Variants in CAPN14 observed in about 807,000 individuals in gnomAD.
CAPN14 encodes calpain-14.
A neutral mutation model predicts 101.3 loss-of-function variants in CAPN14; 94 were observed. The observed-to-expected ratio is 0.93, with a 90% CI of 0.79 to 1.10. The LOEUF (loss-of-function observed/expected upper bound fraction) is 1.10. CAPN14 is among the 50% of genes least tolerant of loss of function. The pLI, the probability that CAPN14 is intolerant of heterozygous loss-of-function variation, is 0.00. For missense variants in CAPN14, 837 were observed against 828.4 expected (o/e 1.01, Z -0.13); for synonymous variants, 338 against 317.9 (o/e 1.06, Z -0.67).
At chr2:31,229,926 A>T (rs1288078160) in intron 1 of CAPN14, among the ~76,000 whole-genome samples, 6 of 152,218 alleles carry the variant, frequency 3.9e-5, no homozygotes, top group African/African-American at 9.6e-5. Context: ...AAATTGTATG[A>T]TTCTATGCAT....
At chr2:31,185,477 A>G (rs115666672) in intron 16 of CAPN14, among the ~76,000 whole-genome samples, 1 of 152,190 alleles carries the variant, frequency 6.6e-6, no homozygotes, top group East Asian at 1.9e-4. Flanking sequence ...TTGTTCATAA[A>G]TGCTTTGGAA....
chr2:31,174,626 C>CCAACA lies in CAPN14; in HGVS notation c.*54_*55insTGTTG. ...GGCATGGGTTGGTCTCAGCCAAAGG[C>CCAACA]TGCTCTTGGGCCACATGCAGAGTCT... On this transcript the variant is annotated 3_prime_UTR_variant, in exon 22 of 22. Transcript: ENST00000403897. The CCAACA allele has an allele frequency of 6.5e-7, 1 of 1,545,210 alleles. No homozygotes were observed. Among genetic ancestry groups the CCAACA allele is most frequent in the Admixed American group, 2.0e-5 (1 of 51,010 alleles).
At position 31,191,422 on chromosome 2, in the gene CAPN14, C is replaced by T. The variant is rs765128442; in HGVS notation, c.1279-15G>A. The T allele has an allele frequency of 2.1e-6, 3 of 1,410,256 alleles. No individual in the cohort carries two copies. The highest frequency in any genetic ancestry group is 2.6e-5 in the Admixed American group (1 of 37,936). 87.4% of individuals were successfully genotyped at this position (1,410,256 alleles called of 1,614,324 possible). On this transcript the variant is annotated splice_polypyrimidine_tract_variant and intron_variant, in intron 11 of 21. Coordinates refer to ENST00000403897, the MANE Select transcript of CAPN14 (RefSeq NM_001145122.2). ...ACCTTGTTCATCTAAAAAACAAAAA[C>T]AAAAACAGAAAAAAAAAAAAAAAGA... is the stretch of plus-strand genomic sequence containing the variant.
chr2:31,229,834 T>G (rs1683135334), intron 1 of CAPN14, among the ~76,000 whole-genome samples: 1 of 152,332 alleles, frequency 6.6e-6, no homozygotes, highest in East Asian at 1.9e-4. Flanking sequence ...GTTCCTTTGC[T>G]TCTCTTTTTA....
chr2:31,179,413 T>C (rs189528376), intron 17 of CAPN14, among the ~76,000 whole-genome samples: 28 of 152,328 alleles, frequency 1.8e-4, no homozygotes, highest in Non-Finnish European at 3.4e-4. Flanking sequence ...TCTTTTTATA[T>C]GGCTGCATAG....
chr2:31,191,479 G>T, intron 11 of CAPN14, 72 bp from the exon 12 acceptor site: 1 of 1,463,006 alleles, frequency 6.8e-7, no homozygotes, highest in Non-Finnish European at 9.1e-7. Flanking sequence ...CAGGGAATCT[G>T]GCTCTTTCAT....
intron 1 of CAPN14, among the ~76,000 whole-genome samples, chr2:31,209,000 C>T (rs1682251348): frequency 6.6e-6 from 1 of 152,134 alleles, no homozygotes; most frequent in South Asian, 2.1e-4. Flanking sequence ...GACAGGGTCT[C>T]ACTCTGTCAC....
At chr2:31,229,043 A>C (rs922758118) in intron 1 of CAPN14, among the ~76,000 whole-genome samples, 1 of 152,346 alleles carries the variant, frequency 6.6e-6, no homozygotes, top group South Asian at 2.1e-4. Context: ...GGGGCATTAC[A>C]TGCAGCAGGA....
chr2:31,202,874 C>G (rs1429432264), intron 3 of CAPN14, among the ~76,000 whole-genome samples, 196 bp downstream of exon 3: 1 of 152,152 alleles, frequency 6.6e-6, no homozygotes, highest in East Asian at 1.9e-4. Context: ...TCCCACGCAT[C>G]CCCAGAGGAC....
intron 16 of CAPN14, among the ~76,000 whole-genome samples, chr2:31,182,178 C>T (rs1168282329): frequency 3.3e-5 from 5 of 151,670 alleles, no homozygotes; most frequent in Admixed American, 1.3e-4. Context: ...ATTGATGGGA[C>T]GTATCTCAAA....
Position 31,202,599 on chromosome 2 carries a change from C to A in CAPN14, c.296-347G>T, listed in dbSNP as rs1422993409. ...GATTTATGTTCTTCTGGGAAAGCCTCAATCCTTCAGGACTCCATTTCCCTG... is the reference window on the plus strand; with the variant it reads ...GATTTATGTTCTTCTGGGAAAGCCTAAATCCTTCAGGACTCCATTTCCCTG... On this transcript the variant is annotated intron_variant, in intron 3 of 21. Coordinates refer to ENST00000403897, the MANE Select transcript of CAPN14 (RefSeq NM_001145122.2). 2.6e-5 allele frequency among the ~76,000 whole-genome samples: 4 copies of A among 152,178 alleles called. No homozygotes were observed. The East Asian group carries it at 7.7e-4, about 29-fold the overall frequency.
intron 2 of CAPN14, among the ~76,000 whole-genome samples, chr2:31,203,858 A>C (rs1681929623): frequency 6.6e-6 from 1 of 152,218 alleles, no homozygotes. Context: ...CCTGTTCACT[A>C]GCTGTGTTCC....
chr2:31,208,802 T>C (rs1049621763), intron 1 of CAPN14, among the ~76,000 whole-genome samples: 1 of 152,182 alleles, frequency 6.6e-6, no homozygotes, highest in Non-Finnish European at 1.5e-5. Context: ...TGAGCAGCGT[T>C]GGAGCAGGTC....
At position 31,189,485 on chromosome 2, in the gene CAPN14, G is replaced by A. The variant is rs1162155070; in HGVS notation, c.1288-7C>T. 1.3e-6 allele frequency: 2 copies of A among 1,549,148 alleles called. No individual in the cohort carries two copies. The highest frequency in any genetic ancestry group is 4.9e-5 in the East Asian group (2 of 40,916). On this transcript the variant is annotated splice_region_variant and splice_polypyrimidine_tract_variant and intron_variant, in intron 12 of 21. Transcript: ENST00000403897. ...TCCTCTGGTCATCATGGTACTGTGG[G>A]TAGAGGACAGAAGAACAGCAAGGGA...
intron 8 of CAPN14, 128 bp downstream of exon 8, chr2:31,197,121 C>T (rs937196870): frequency 3.3e-6 from 2 of 615,014 alleles, no homozygotes; most frequent in South Asian, 2.0e-5. Context: ...GATTGAGCTT[C>T]CCCGTCTAAA....
chr2:31,195,588 C>G (rs919191676), intron 8 of CAPN14, among the ~76,000 whole-genome samples: 1 of 152,154 alleles, frequency 6.6e-6, no homozygotes, highest in Non-Finnish European at 1.5e-5. Flanking sequence ...CTGCCTTCCT[C>G]GACCTCCCAA....
chr2:31,198,738 A>G (rs961049550), intron 7 of CAPN14, among the ~76,000 whole-genome samples: 4 of 152,168 alleles, frequency 2.6e-5, no homozygotes, highest in Admixed American at 2.0e-4. Context: ...TCTAGAGAAT[A>G]TCAGAGGTTC....
chr2:31,185,140 C>T (rs929389601), intron 16 of CAPN14, among the ~76,000 whole-genome samples: 5 of 152,178 alleles, frequency 3.3e-5, no homozygotes, highest in Non-Finnish European at 7.3e-5. Context: ...CTCCAATAAG[C>T]CTATATTCCA....
At chr2:31,206,773 GT>G (rs1403398439) in intron 1 of CAPN14, among the ~76,000 whole-genome samples, 1 of 152,148 alleles carries the variant, frequency 6.6e-6, no homozygotes. Context: ...ACACAATATA[GT>G]TTTTCATTTT....
Sources: allele counts gnomAD v4.1 joint callset (sites outside exome capture counted in the v4.1 genomes callset), GRCh38; gene constraint gnomAD v4.1.1; transcripts MANE v1.5; gene names NCBI Gene and HGNC (gene_info 2026-07-23, HGNC 2026-07-21).